R3HCC1L: variants seen among roughly 807,000 people sequenced by gnomAD.
R3HCC1L encodes the protein R3H domain and coiled-coil containing 1 like, also known as coiled-coil domain-containing protein R3HCC1L.
In R3HCC1L, 51 loss-of-function variants were observed where a neutral mutation model predicts 59.9. That is an observed-to-expected ratio of 0.85 (90% confidence interval 0.68 to 1.07). R3HCC1L has a LOEUF of 1.07. Among genes scored for constraint, R3HCC1L ranks in the 50% least tolerant of loss-of-function variants. The probability of loss-of-function intolerance (pLI) is 0.00; values close to 1 mark genes in which losing one functional copy is unlikely to be tolerated. For missense variants in R3HCC1L, 965 were observed against 933.0 expected, an observed-to-expected ratio of 1.03 and a Z score of -0.45; for synonymous variants, 322 against 315.2, an observed-to-expected ratio of 1.02 and a Z score of -0.23.
chr10:98,153,114 C>T (rs1235352314), intron 1 of R3HCC1L, among the ~76,000 whole-genome samples: 1 of 152,126 alleles, frequency 6.6e-6, no homozygotes, highest in Non-Finnish European at 1.5e-5. Flanking sequence ...GGGAGGTGTA[C>T]CCAACAGCTC....
At chr10:98,157,963 C>G (rs1847039850) in intron 2 of R3HCC1L, among the ~76,000 whole-genome samples, 1 of 152,142 alleles carries the variant, frequency 6.6e-6, no homozygotes. Context: ...AGAGAGGGCA[C>G]TGCTACAGAA....
chr10:98,235,067 C>A (rs1279829063), intron 7 of R3HCC1L, among the ~76,000 whole-genome samples: 2 of 152,120 alleles, frequency 1.3e-5, no homozygotes, highest in African/African-American at 4.8e-5. Flanking sequence ...ACAGTAAATA[C>A]AATATTTTAG....
intron 5 of R3HCC1L, among the ~76,000 whole-genome samples, chr10:98,216,449 C>T (rs1043740165): frequency 2.0e-5 from 3 of 152,116 alleles, no homozygotes; most frequent in Non-Finnish European, 4.4e-5. Flanking sequence ...AGGAGGCAGA[C>T]GCTGCAGTGA....
intron 4 of R3HCC1L, among the ~76,000 whole-genome samples, chr10:98,178,424 T>C (rs1849271469): frequency 6.6e-6 from 1 of 152,186 alleles, no homozygotes; most frequent in Non-Finnish European, 1.5e-5. Flanking sequence ...TTGGTCTATA[T>C]CTCTGTTTTG....
intron 4 of R3HCC1L, among the ~76,000 whole-genome samples, chr10:98,178,087 T>C (rs1282888575): frequency 6.6e-6 from 1 of 152,202 alleles, no homozygotes; most frequent in African/African-American, 2.4e-5. Context: ...ATTTTGGCTT[T>C]CGTTTTTTAT....
At chr10:98,142,953 CAAAA>C (rs977517409) in intron 1 of R3HCC1L, among the ~76,000 whole-genome samples, 10 of 144,106 alleles carry the variant, frequency 6.9e-5, no homozygotes, top group African/African-American at 2.5e-4. Flanking sequence ...AACAAACAAA[CAAAA>C]CAAAACAAAA....
chr10:98,222,171 C>T (rs1855070003), intron 5 of R3HCC1L, among the ~76,000 whole-genome samples: 1 of 152,126 alleles, frequency 6.6e-6, no homozygotes, highest in South Asian at 2.1e-4. Flanking sequence ...CATTATTTGG[C>T]TGTCTGTTTG....
chr10:98,147,232 T>A (rs1845748685), intron 1 of R3HCC1L, among the ~76,000 whole-genome samples: 1 of 152,184 alleles, frequency 6.6e-6, no homozygotes, highest in African/African-American at 2.4e-5. Context: ...TATTCAGATC[T>A]TTTGCCTGTT....
At chr10:98,242,953 T>G (rs773346303) in intron 9 of R3HCC1L, among the ~76,000 whole-genome samples, 2 of 152,228 alleles carry the variant, frequency 1.3e-5, no homozygotes, top group Non-Finnish European at 2.9e-5. Context: ...AGCCTTCATT[T>G]TGCAATTTGC....
At chr10:98,177,742 A>G (rs1050678824) in intron 4 of R3HCC1L, among the ~76,000 whole-genome samples, 10 of 152,154 alleles carry the variant, frequency 6.6e-5, no homozygotes, top group East Asian at 1.9e-4. Context: ...GTGAGATGGT[A>G]TCTCATTGTG....
chr10:98,227,212 C>T (rs753844214), intron 5 of R3HCC1L, among the ~76,000 whole-genome samples: 13 of 152,150 alleles, frequency 8.5e-5, no homozygotes, highest in African/African-American at 1.4e-4. Context: ...TTAGTCCATG[C>T]ACTTATCTAT....
intron 1 of R3HCC1L, among the ~76,000 whole-genome samples, chr10:98,138,848 A>G (rs1416851390): frequency 6.6e-6 from 1 of 152,232 alleles, no homozygotes; most frequent in African/African-American, 2.4e-5. Flanking sequence ...ATCATCTGGA[A>G]GACAGATTAG....
chr10:98,171,255 CT>C (rs1382326649), intron 4 of R3HCC1L, among the ~76,000 whole-genome samples: 2 of 152,172 alleles, frequency 1.3e-5, no homozygotes, highest in African/African-American at 4.8e-5. Flanking sequence ...GTATCTTTAT[CT>C]GAAAAACTAG....
chr10:98,156,045 A>C (rs1330533971), intron 1 of R3HCC1L, 48 bp from the exon 2 acceptor site: 1 of 151,676 alleles, frequency 6.6e-6, no homozygotes, highest in Non-Finnish European at 1.5e-5. Context: ...GTAATCTGTC[A>C]GTTTGAATTT....
chr10:98,222,442 A>G (rs1467752300), intron 5 of R3HCC1L, among the ~76,000 whole-genome samples: 1 of 152,036 alleles, frequency 6.6e-6, no homozygotes, highest in Non-Finnish European at 1.5e-5. Flanking sequence ...GAGAGACGGC[A>G]TCCCTGTCTT....
At chr10:98,158,100 A>G (rs1847059759) in intron 2 of R3HCC1L, among the ~76,000 whole-genome samples, 1 of 152,238 alleles carries the variant, frequency 6.6e-6, no homozygotes, top group Non-Finnish European at 1.5e-5. Flanking sequence ...AAACATGAGG[A>G]AGAAAATAAG....
chr10:98,139,164 C>G (rs1844881944), intron 1 of R3HCC1L, among the ~76,000 whole-genome samples: 1 of 152,126 alleles, frequency 6.6e-6, no homozygotes, highest in East Asian at 1.9e-4. Flanking sequence ...GCTCCATAAG[C>G]TAACTATTCA....
intron 5 of R3HCC1L, among the ~76,000 whole-genome samples, chr10:98,223,655 T>TC (rs1168597192): frequency 2.0e-5 from 3 of 152,102 alleles, no homozygotes; most frequent in Non-Finnish European, 4.4e-5. Context: ...GTTATTTGTG[T>TC]CTGTGAGTTT....
At chr10:98,222,853 G>A (rs1340935291) in intron 5 of R3HCC1L, among the ~76,000 whole-genome samples, 1 of 151,842 alleles carries the variant, frequency 6.6e-6, no homozygotes, top group Non-Finnish European at 1.5e-5. Context: ...ATGATAAAGG[G>A]GATATCACCA....
Sources: gnomAD v4.1 joint callset for allele counts (sites outside exome capture counted in the v4.1 genomes callset) on GRCh38, gnomAD v4.1.1 for gene constraint, MANE v1.5 for transcripts, NCBI Gene and HGNC (gene_info 2026-07-23, HGNC 2026-07-21) for gene names.